Variants in SFMBT2 observed in about 807,000 individuals in gnomAD.
SFMBT2 encodes the protein Scm like with four mbt domains 2.
SFMBT2 carries 38 observed loss-of-function variants against 110.1 expected under a neutral mutation model. The observed-to-expected ratio is 0.35, with a 90% CI of 0.27 to 0.45. The LOEUF (loss-of-function observed/expected upper bound fraction) is 0.45. Ranked by LOEUF, SFMBT2 falls within the 20% of genes least tolerant of loss-of-function variation. SFMBT2 has a pLI of 1.00. For synonymous variants in SFMBT2, 425 were observed against 425.4 expected, an observed-to-expected ratio of 1.00 and a Z score of 0.01; for missense variants, 1,011 against 1,094.9, an observed-to-expected ratio of 0.92 and a Z score of 1.08.
chr10:7,299,215 C>T (rs182474955), intron 4 of SFMBT2, among the ~76,000 whole-genome samples: 15 of 152,200 alleles, frequency 9.9e-5, no homozygotes, highest in Non-Finnish European at 1.8e-4. Flanking sequence ...GCAATTGCAA[C>T]GAAAGCCAAA....
intron 16 of SFMBT2, among the ~76,000 whole-genome samples, chr10:7,187,018 C>G (rs578092255): frequency 6.6e-6 from 1 of 152,322 alleles, no homozygotes; most frequent in South Asian, 2.1e-4. Flanking sequence ...CTGGGTTTCA[C>G]CATGTCTGTT....
intron 3 of SFMBT2, chr10:7,368,327 T>C (rs1844967926): frequency 1.0e-6 from 1 of 985,062 alleles, no homozygotes; most frequent in Non-Finnish European, 1.2e-6. Flanking sequence ...ATGAACAACA[T>C]GGCCCTAGAA....
At chr10:7,169,696 G>A (rs1837811951) in intron 20 of SFMBT2, among the ~76,000 whole-genome samples, 1 of 152,130 alleles carries the variant, frequency 6.6e-6, no homozygotes, top group Non-Finnish European at 1.5e-5. Flanking sequence ...GCAAGAGCCT[G>A]GCATTTTCTG....
rs537370134 is a variant in SFMBT2, at chr10:7,262,584, C to T, written c.871-13935G>A. ...AGCAGAAGCCATTTGGGAGTGAGAA[C>T]TCCCGGAGCAGATAACTGAAAGTTG... is the stretch of plus-strand genomic sequence containing the variant. On this transcript the variant is annotated intron_variant, in intron 7 of 20. Coordinates refer to ENST00000397167, the MANE Select transcript of SFMBT2 (RefSeq NM_001387889.1). 9.8e-5 allele frequency among the ~76,000 whole-genome samples: 15 copies of T among 152,322 alleles called. No homozygotes were observed. The East Asian group carries it at 2.9e-3, about 29-fold the overall frequency.
rs1838055598 is a variant in SFMBT2, at chr10:7,176,408, A to G, written c.1809-243T>C. The G allele has an allele frequency of 1.5e-5, 13 of 896,008 alleles. No homozygotes were observed. In the South Asian group the frequency reaches 6.2e-4, roughly 42 times the overall value. 55.5% of individuals were successfully genotyped at this position (896,008 alleles called of 1,614,324 possible). A position where few individuals can be genotyped will look rare whatever the true frequency, so the allele number is the denominator to read the frequency against. On this transcript the variant is annotated intron_variant, in intron 16 of 20. Coordinates refer to ENST00000397167, the MANE Select transcript of SFMBT2 (RefSeq NM_001387889.1). ...CACTTCCATAAACACCCCCACATGTAGCACACCTTCATTTTGCTATATACA... is the reference window on the plus strand; with the variant it reads ...CACTTCCATAAACACCCCCACATGTGGCACACCTTCATTTTGCTATATACA...
At position 7,243,849 on chromosome 10, in the gene SFMBT2, A is replaced by G; in HGVS notation, c.973-144T>C. On this transcript the variant is annotated intron_variant, in intron 8 of 20. Transcript: ENST00000397167. ...ATACAAACTGGCATTTTCAATGTCC[A>G]TTACTAAATTAATTCAGCTGATAAA... 4 of 631,018 alleles carry G rather than the reference A, an allele frequency of 6.3e-6. No homozygotes were observed. In the South Asian group the frequency reaches 8.3e-5, roughly 13 times the overall value. The allele number at this position is 631,018 out of a possible 1,614,324, so 39.1% of individuals were successfully genotyped here. A position where few individuals can be genotyped will look rare whatever the true frequency, so the allele number is the denominator to read the frequency against.
At chr10:7,307,402 C>A (rs1366865432) in intron 4 of SFMBT2, among the ~76,000 whole-genome samples, 1 of 152,122 alleles carries the variant, frequency 6.6e-6, no homozygotes, top group Non-Finnish European at 1.5e-5. Flanking sequence ...TTCAAGAACA[C>A]CAACAAACTA....
At chr10:7,380,387 G>T (rs1845386324) in intron 2 of SFMBT2, among the ~76,000 whole-genome samples, 1 of 152,186 alleles carries the variant, frequency 6.6e-6, no homozygotes, top group African/African-American at 2.4e-5. Context: ...CCTCATGTGA[G>T]GGTTTTCCAG....
intron 4 of SFMBT2, among the ~76,000 whole-genome samples, chr10:7,318,708 G>A (rs561408172): frequency 2.1e-4 from 32 of 152,362 alleles, no homozygotes; most frequent in African/African-American, 7.7e-4. Flanking sequence ...AAATAATAAA[G>A]GTTCGCGTCT....
intron 4 of SFMBT2, among the ~76,000 whole-genome samples, chr10:7,298,806 G>A (rs935005067): frequency 3.3e-5 from 5 of 151,808 alleles, no homozygotes; most frequent in African/African-American, 1.2e-4. Context: ...TGTGTGTGTG[G>A]GTCTAAGACC....
chr10:7,186,118 C>T (rs1208655407), intron 16 of SFMBT2, among the ~76,000 whole-genome samples: 13 of 151,952 alleles, frequency 8.6e-5, no homozygotes, highest in Admixed American at 6.6e-4. Flanking sequence ...GGAAAAATCA[C>T]CCAGAGACAA....
chr10:7,350,623 C>T (rs1190188343), intron 4 of SFMBT2, among the ~76,000 whole-genome samples: 1 of 152,190 alleles, frequency 6.6e-6, no homozygotes, highest in Non-Finnish European at 1.5e-5. Context: ...TGTTGGTTTA[C>T]GGCATTCCCA....
chr10:7,204,730 G>A (rs1401506835), intron 12 of SFMBT2: 2 of 185,034 alleles, frequency 1.1e-5, no homozygotes, highest in African/African-American at 2.4e-5. Context: ...AAAATTAGCT[G>A]GGCATGGTGG....
At chr10:7,245,883 TG>T (rs1840591096) in intron 8 of SFMBT2, among the ~76,000 whole-genome samples, 2 of 152,102 alleles carry the variant, frequency 1.3e-5, no homozygotes, top group African/African-American at 4.8e-5. Context: ...AGGCCCAAGG[TG>T]GAAAAAAAAT....
chr10:7,233,437 C>G (rs1333908094), intron 9 of SFMBT2, among the ~76,000 whole-genome samples: 1 of 152,204 alleles, frequency 6.6e-6, no homozygotes, highest in East Asian at 1.9e-4. Flanking sequence ...GCAGAGCAAA[C>G]AGCTCCATAG....
intron 6 of SFMBT2, among the ~76,000 whole-genome samples, chr10:7,280,670 A>G (rs1351925582): frequency 6.6e-6 from 1 of 152,234 alleles, no homozygotes; most frequent in African/African-American, 2.4e-5. Context: ...CTCTTGATAT[A>G]CATTACACCA....
At chr10:7,341,887 A>G (rs1432057109) in intron 4 of SFMBT2, among the ~76,000 whole-genome samples, 1 of 152,168 alleles carries the variant, frequency 6.6e-6, no homozygotes, top group Non-Finnish European at 1.5e-5. Flanking sequence ...AGTTTCCCAT[A>G]ATAAAAAGTT....
chr10:7,406,272 ACT>A (rs753287777), intron 1 of SFMBT2, among the ~76,000 whole-genome samples: 9 of 151,960 alleles, frequency 5.9e-5, no homozygotes, highest in Non-Finnish European at 1.2e-4. Context: ...GAAAAAGAAA[ACT>A]CTGATAATCT....
intron 7 of SFMBT2, among the ~76,000 whole-genome samples, chr10:7,268,702 G>C (rs956839378): frequency 6.6e-6 from 1 of 152,148 alleles, no homozygotes; most frequent in Admixed American, 6.5e-5. Flanking sequence ...ATAGAGAAAG[G>C]GTTTCGCCAT....
Sources: gnomAD v4.1 joint callset for allele counts (sites outside exome capture counted in the v4.1 genomes callset) on GRCh38, gnomAD v4.1.1 for gene constraint, MANE v1.5 for transcripts, NCBI Gene and HGNC (gene_info 2026-07-23, HGNC 2026-07-21) for gene names.